The following CHN2 variants were observed in gnomAD, a reference collection of about 807,000 sequenced individuals.
The protein encoded by CHN2 is beta-chimaerin.
CHN2 carries 35 observed loss-of-function variants against 56.3 expected under a neutral mutation model. That is an observed-to-expected ratio of 0.62 (90% CI 0.47 to 0.82). The LOEUF (loss-of-function observed/expected upper bound fraction) is 0.82. CHN2 is among the 40% of genes least tolerant of loss of function. CHN2 has a pLI of 0.00. For synonymous variants in CHN2, 210 were observed against 212.8 expected (o/e 0.99, Z 0.12); for missense variants, 491 against 580.5 (o/e 0.85, Z 1.58).
chr7:29,363,402 T>C (rs1369921238), intron 2 of CHN2, among the ~76,000 whole-genome samples: 1 of 152,196 alleles, frequency 6.6e-6, no homozygotes, highest in African/African-American at 2.4e-5. Context: ...GGAGAATTGC[T>C]TGAATCCAGG....
chr7:29,166,446 G>A (rs914699786), intron 2 of CHN2, among the ~76,000 whole-genome samples: 4 of 152,064 alleles, frequency 2.6e-5, no homozygotes, highest in African/African-American at 9.7e-5. Flanking sequence ...GGCTTGATGT[G>A]TTTTCTGGGT....
At chr7:29,363,307 G>A (rs1175450748) in intron 2 of CHN2, among the ~76,000 whole-genome samples, 1 of 152,250 alleles carries the variant, frequency 6.6e-6, no homozygotes, top group Non-Finnish European at 1.5e-5. Context: ...CCAATATGGT[G>A]AAAGCCTGTC....
Position 29,334,864 on chromosome 7 carries a change from A to C in CHN2, c.50-19761A>C, listed in dbSNP as rs548580800. ...GGACTAGAGTGGAGTGGGAAGGTCA[A>C]ATGCAGAAATACCCCTCCATGTGCG... On this transcript the variant is annotated intron_variant, in intron 1 of 12. Coordinates refer to ENST00000222792, the MANE Select transcript of CHN2 (RefSeq NM_004067.4). 6.0e-4 allele frequency among the ~76,000 whole-genome samples: 92 copies of C among 152,322 alleles called. 1 individual carries two copies. The highest frequency in any genetic ancestry group is 2.2e-3 in the African/African-American group (90 of 41,580).
At chr7:29,507,562 G>A (rs867672014) in intron 11 of CHN2, among the ~76,000 whole-genome samples, 197 bp downstream of exon 11, 1 of 152,322 alleles carries the variant, frequency 6.6e-6, no homozygotes, top group South Asian at 2.1e-4. Context: ...TCTGTGGGCT[G>A]ATGTATGTGT....
intron 6 of CHN2, among the ~76,000 whole-genome samples, chr7:29,418,986 T>C (rs1386283861): frequency 6.6e-6 from 1 of 152,172 alleles, no homozygotes; most frequent in African/African-American, 2.4e-5. Context: ...ATTCTGGATT[T>C]TGAAGGGCCA....
chr7:29,388,137 A>C (rs1403104960), intron 3 of CHN2, among the ~76,000 whole-genome samples: 1 of 152,192 alleles, frequency 6.6e-6, no homozygotes, highest in Admixed American at 6.5e-5. Flanking sequence ...TTGCTGTTTG[A>C]AGCTTTGCTG....
intron 1 of CHN2, among the ~76,000 whole-genome samples, chr7:29,315,572 C>CT (rs551618713): frequency 1.6e-3 from 239 of 152,214 alleles, no homozygotes; most frequent in African/African-American, 5.4e-3. Flanking sequence ...TGTAAAATGC[C>CT]TGGCACATCA....
At chr7:29,476,794 C>T (rs1487383722) in intron 6 of CHN2, among the ~76,000 whole-genome samples, 1 of 152,076 alleles carries the variant, frequency 6.6e-6, no homozygotes, top group Non-Finnish European at 1.5e-5. Context: ...TGCCACTGAA[C>T]ATCCTGCAAC....
chr7:29,262,847 T>A (rs2128833217), intron 1 of CHN2, among the ~76,000 whole-genome samples: 1 of 152,314 alleles, frequency 6.6e-6, no homozygotes, highest in Non-Finnish European at 1.5e-5. Flanking sequence ...ACCTAGGTGA[T>A]GATGGGTTGA....
At chr7:29,425,741 AATT>A (rs1246030970) in intron 6 of CHN2, among the ~76,000 whole-genome samples, 1 of 152,138 alleles carries the variant, frequency 6.6e-6, no homozygotes, top group Non-Finnish European at 1.5e-5. Flanking sequence ...TATAAAAATA[AATT>A]ATTATATTGA....
chr7:29,246,713 A>T (rs1289597825), intron 1 of CHN2, among the ~76,000 whole-genome samples: 4 of 152,328 alleles, frequency 2.6e-5, no homozygotes, highest in African/African-American at 9.6e-5. Flanking sequence ...ACAGTTCTGG[A>T]GGCCAGGAAG....
Position 29,400,743 on chromosome 7 carries a change from A to C in CHN2, c.491A>C (p.Glu164Ala), listed in dbSNP as rs753046299. Residue 164 changes from glutamate (E) to alanine (A), a missense_variant, in exon 6 of 13, where the codon GAA becomes GCA. Transcript: ENST00000222792. ...ATTGGATATGCCACCCTACTCAGAG[A>C]AAAAGTATCCAGAAGGCTGAGCAGG... Reference protein sequence around the residue: ...EHIGYATLLREKVSRRLSRSK... With the variant: ...EHIGYATLLRAKVSRRLSRSK... 1 of 1,614,122 alleles carries C rather than the reference A, an allele frequency of 6.2e-7. No homozygotes were observed. Among genetic ancestry groups the C allele is most frequent in the East Asian group, 2.2e-5 (1 of 44,880 alleles).
intron 1 of CHN2, among the ~76,000 whole-genome samples, chr7:29,323,207 C>G (rs1014793732): frequency 7.3e-6 from 1 of 137,546 alleles, no homozygotes; most frequent in African/African-American, 2.6e-5. Flanking sequence ...GGCACTGGTT[C>G]TCTTTCTCTG....
chr7:29,171,289 C>T (rs1206373815), intron 2 of CHN2, among the ~76,000 whole-genome samples: 1 of 152,192 alleles, frequency 6.6e-6, no homozygotes, highest in Non-Finnish European at 1.5e-5. Context: ...CTCTTTGGAA[C>T]ACCCAGGGGA....
intron 6 of CHN2, among the ~76,000 whole-genome samples, chr7:29,456,730 T>C (rs1180785384): frequency 6.6e-6 from 1 of 151,852 alleles, no homozygotes; most frequent in African/African-American, 2.4e-5. Flanking sequence ...CTGATTCAGG[T>C]GATCTGAGGA....
intron 1 of CHN2, among the ~76,000 whole-genome samples, chr7:29,351,569 C>G (rs1797890667): frequency 6.6e-6 from 1 of 152,140 alleles, no homozygotes; most frequent in Admixed American, 6.5e-5. Flanking sequence ...GCAGGTAGAG[C>G]CCCTGAGTGA....
rs573067137 is a variant in CHN2 at position 29,412,603 on chromosome 7, A to T, written c.576+11775A>T. Among the ~76,000 whole-genome samples, 5 of 152,268 alleles carry T rather than the reference A, an allele frequency of 3.3e-5. No homozygotes were observed. In the South Asian group the frequency reaches 1.0e-3, roughly 32 times the overall value. On this transcript the variant is annotated intron_variant, in intron 6 of 12. Coordinates refer to ENST00000222792, the MANE Select transcript of CHN2 (RefSeq NM_004067.4). ...CTTGGCTTCCCAAAGTGCTGGGATT[A>T]CAGGCGTGAGCCACCGCGCCAGGAC...
rs564913897 is a variant in CHN2, at chr7:29,442,152, A to G, written c.577-38127A>G. 2.6e-5 allele frequency among the ~76,000 whole-genome samples: 4 copies of G among 152,358 alleles called. No individual in the cohort carries two copies. The South Asian group carries it at 8.3e-4, about 32-fold the overall frequency. On this transcript the variant is annotated intron_variant, in intron 6 of 12. Transcript: ENST00000222792. ...ACAACATGCATGAACTTTGAATTGT[A>G]TACTTTAAAATGGTTCATTTGATGT...
intron 1 of CHN2, among the ~76,000 whole-genome samples, chr7:29,204,065 C>CTGTGTGTGTG (rs755525736): frequency 1.5e-4 from 20 of 135,912 alleles, no homozygotes; most frequent in Non-Finnish European, 2.3e-4. Flanking sequence ...TTTTCTCTCT[C>CTGTGTGTGTG]TCTGTGTGTG....
Sources: allele counts gnomAD v4.1 joint callset (sites outside exome capture counted in the v4.1 genomes callset), GRCh38; gene constraint gnomAD v4.1.1; transcripts MANE v1.5; gene names NCBI Gene and HGNC (gene_info 2026-07-23, HGNC 2026-07-21).